The following PARP4 variants were observed in gnomAD, a reference collection of about 807,000 sequenced individuals.
PARP4 encodes poly(ADP-ribose) polymerase family member 4.
Under a neutral mutation model 187.7 loss-of-function variants are expected in PARP4, and 120 were observed. The observed-to-expected ratio is 0.64, with a 90% CI of 0.55 to 0.74. PARP4 has a LOEUF of 0.74. Ranked by LOEUF, PARP4 falls within the 30% of genes least tolerant of loss-of-function variation. The pLI, the probability that PARP4 is intolerant of heterozygous loss-of-function variation, is 0.00. For synonymous variants in PARP4, 654 were observed against 740.9 expected, an observed-to-expected ratio of 0.88 and a Z score of 1.90; for missense variants, 1,836 against 2,070.5, an observed-to-expected ratio of 0.89 and a Z score of 2.20.
chr13:24,508,744 C>T (rs984429215), intron 1 of PARP4, among the ~76,000 whole-genome samples: 1 of 152,136 alleles, frequency 6.6e-6, no homozygotes, highest in African/African-American at 2.4e-5. Flanking sequence ...GAACTCCCAA[C>T]CTTAAGTGAT....
chr13:24,423,438 C>T (rs1226609661), intron 33 of PARP4, among the ~76,000 whole-genome samples: 1 of 151,526 alleles, frequency 6.6e-6, no homozygotes, highest in East Asian at 2.0e-4. Context: ...GGCTGAGGCA[C>T]GAGAATTGCT....
At chr13:24,511,075 G>A (rs898419917) in intron 1 of PARP4, among the ~76,000 whole-genome samples, 13 of 152,182 alleles carry the variant, frequency 8.5e-5, no homozygotes, top group Non-Finnish European at 1.8e-4. Flanking sequence ...GGTGTGAGCT[G>A]CCACGCCCGG....
chr13:24,448,942 G>C (rs377514221), intron 25 of PARP4, among the ~76,000 whole-genome samples: 1 of 152,332 alleles, frequency 6.6e-6, no homozygotes, highest in South Asian at 2.1e-4. Flanking sequence ...AGAAAGTAGA[G>C]TCATGGTTAG....
intron 14 of PARP4, among the ~76,000 whole-genome samples, chr13:24,475,853 C>G (rs1872958179): frequency 6.6e-6 from 1 of 151,788 alleles, no homozygotes; most frequent in South Asian, 2.1e-4. Flanking sequence ...GGCACAATCT[C>G]TGCTCACAGT....
chr13:24,442,656 A>C lies in PARP4; in HGVS notation c.3477T>G (p.Ile1159Met), dbSNP rs1247440291. The change falls in exon 29 of 34, where the codon ATT becomes ATG. Residue 1159 changes from isoleucine to methionine, a missense_variant. Around this residue, in one of 8 missense-constraint regions of PARP4, gnomAD observed 47 missense variants for 99.5 expected, o/e 0.47. Transcript: ENST00000381989. Reference sequence around the variant, plus strand: ...GAGAGTTTTCTTTACTGAGTTTAATAATCAGAGATTTCAAGGTTTGTTTTT... The same window carrying C: ...GAGAGTTTTCTTTACTGAGTTTAATCATCAGAGATTTCAAGGTTTGTTTTT... ...EMKKQTLKSL[I>M]IKLSKENSLI... 1.3e-6 allele frequency: 2 copies of C among 1,596,004 alleles called. No homozygotes were observed. Among genetic ancestry groups the C allele is most frequent in the African/African-American group, 2.7e-5 (2 of 74,618 alleles).
chr13:24,449,925 G>A (rs1565996214), intron 24 of PARP4, 108 bp from the exon 25 acceptor site: 2 of 606,006 alleles, frequency 3.3e-6, no homozygotes, highest in Non-Finnish European at 6.0e-6. Context: ...ACATGACGTG[G>A]GGAAGAATGT....
At chr13:24,463,321 T>G (rs1872300466) in intron 17 of PARP4, among the ~76,000 whole-genome samples, 1 of 152,004 alleles carries the variant, frequency 6.6e-6, no homozygotes, top group African/African-American at 2.4e-5. Context: ...GGTGAAAGAC[T>G]TTGTTAGATA....
chr13:24,499,376 C>T lies in PARP4; in HGVS notation c.402G>A (p.Glu134=). The T allele has an allele frequency of 6.4e-7, 1 of 1,570,142 alleles. No individual in the cohort carries two copies. The highest frequency in any genetic ancestry group is 8.6e-7 in the Non-Finnish European group (1 of 1,161,908). ...GAATTTCAACATTCTGCATACCAAA[C>T]CTGAAATTTGTAGTGTATAATTAAA... ...TEEEDTVELT[E]FGMQNVEIPH... The change falls in exon 5 of 34, where the codon GAG becomes GAA. Residue 134 remains glutamate (E), a splice_region_variant and synonymous_variant. Transcript: ENST00000381989.
intron 25 of PARP4, among the ~76,000 whole-genome samples, chr13:24,447,571 G>A (rs1419218892): frequency 6.6e-6 from 1 of 152,164 alleles, no homozygotes; most frequent in Non-Finnish European, 1.5e-5. Context: ...ATGTTGCCCA[G>A]GCTGGTCTCG....
At position 24,465,492 on chromosome 13, in the gene PARP4, G is replaced by A. The variant is rs898050522; in HGVS notation, c.2133+3532C>T. 4.6e-5 allele frequency among the ~76,000 whole-genome samples: 7 copies of A among 151,946 alleles called. No homozygotes were observed. The East Asian group carries it at 1.2e-3, about 25-fold the overall frequency. ...TGCAGGGACATGAATGAAGCTGGAA[G>A]CCATTATCCTCACAAACTAACACAG... On this transcript the variant is annotated intron_variant, in intron 17 of 33. Coordinates refer to ENST00000381989, the MANE Select transcript of PARP4 (RefSeq NM_006437.4).
chr13:24,433,704 A>G (rs1870460093), intron 31 of PARP4, among the ~76,000 whole-genome samples: 1 of 152,118 alleles, frequency 6.6e-6, no homozygotes, highest in African/African-American at 2.4e-5. Context: ...CATTATCTCC[A>G]CTATATGGAT....
intron 28 of PARP4, among the ~76,000 whole-genome samples, chr13:24,443,092 A>G (rs7994022): frequency 0.38 from 56,206 of 146,410 alleles, 11,150 homozygotes; most frequent in African/African-American, 0.44. Flanking sequence ...ACTGACTGTG[A>G]GGGTCTCCAG....
intron 22 of PARP4, among the ~76,000 whole-genome samples, 176 bp downstream of exon 22, chr13:24,454,841 G>T (rs532678532): frequency 6.6e-6 from 1 of 152,188 alleles, no homozygotes; most frequent in African/African-American, 2.4e-5. Flanking sequence ...ACCTGTGAGT[G>T]GTACAGCTGG....
chr13:24,427,370 C>CT (rs35815244), intron 32 of PARP4, among the ~76,000 whole-genome samples: 109,343 of 133,548 alleles, frequency 0.82, 46,771 homozygotes, highest in East Asian at 0.96. Flanking sequence ...ATCCAAGCTT[C>CT]TTTTTTTTTT....
chr13:24,452,376 G>C (rs1871565882), intron 24 of PARP4, 30 bp downstream of exon 24: 3 of 1,588,288 alleles, frequency 1.9e-6, no homozygotes, highest in Non-Finnish European at 1.7e-6. Context: ...CCGTGGGTCT[G>C]GACTATGTGA....
At chr13:24,478,306 T>G in intron 12 of PARP4, 30 bp from the exon 13 acceptor site, 10 of 1,469,210 alleles carry the variant, frequency 6.8e-6, no homozygotes, top group Non-Finnish European at 8.3e-6. Context: ...AACACATATT[T>G]ACAGCTTAGA....
chr13:24,456,334 A>G lies in PARP4; in HGVS notation c.2562+7T>C. 6.2e-7 allele frequency: 1 copy of G among 1,600,938 alleles called. No individual in the cohort carries two copies. The highest frequency in any genetic ancestry group is 8.5e-7 in the Non-Finnish European group (1 of 1,170,066). On this transcript the variant is annotated splice_region_variant and intron_variant, in intron 21 of 33. Coordinates refer to ENST00000381989, the MANE Select transcript of PARP4 (RefSeq NM_006437.4). ...TGTCTCCTATGTCTAAGTAAAAAGG[A>G]GTATACCTCGCTTTCTTTTTCTGGA... is the stretch of plus-strand genomic sequence containing the variant.
intron 24 of PARP4, among the ~76,000 whole-genome samples, chr13:24,450,189 G>A (rs574576023): frequency 6.6e-6 from 1 of 152,176 alleles, no homozygotes; most frequent in African/African-American, 2.4e-5. Context: ...TGATCCCAAA[G>A]GCCTAGAGCT....
intron 1 of PARP4, among the ~76,000 whole-genome samples, chr13:24,509,439 C>G (rs1869878767): frequency 6.6e-6 from 1 of 150,382 alleles, no homozygotes; most frequent in South Asian, 2.1e-4. Flanking sequence ...CCTGGGAGGT[C>G]AAGGCTGCAG....
Sources: allele counts gnomAD v4.1 joint callset (sites outside exome capture counted in the v4.1 genomes callset), GRCh38; gene constraint gnomAD v4.1.1; regional missense constraint gnomAD v4.1.1; transcripts MANE v1.5; gene names NCBI Gene and HGNC (gene_info 2026-07-23, HGNC 2026-07-21).